The following ARHGAP26 variants were observed in gnomAD, a reference collection of about 807,000 sequenced individuals.
ARHGAP26 encodes Rho GTPase activating protein 26.
ARHGAP26 carries 38 observed loss-of-function variants against 104.8 expected under a neutral mutation model. That is an observed-to-expected ratio of 0.36 (90% CI 0.28 to 0.48). ARHGAP26 has a LOEUF of 0.48. ARHGAP26 is among the 20% of genes least tolerant of loss of function. The pLI is 0.99. For missense variants in ARHGAP26, 704 were observed against 947.9 expected, an observed-to-expected ratio of 0.74 and a Z score of 3.38; for synonymous variants, 341 against 340.0, an observed-to-expected ratio of 1.00 and a Z score of -0.03.
chr5:142,912,837 G>A (rs1762006859), intron 9 of ARHGAP26, among the ~76,000 whole-genome samples: 1 of 152,146 alleles, frequency 6.6e-6, no homozygotes, highest in Admixed American at 6.6e-5. Context: ...TTTTGGAGAA[G>A]TGATGACCAA....
At chr5:142,876,223 A>C (rs1598037084) in intron 3 of ARHGAP26, among the ~76,000 whole-genome samples, 1 of 152,194 alleles carries the variant, frequency 6.6e-6, no homozygotes, top group Admixed American at 6.5e-5. Context: ...CAGTGCTCTA[A>C]AGTCCTAGGA....
chr5:142,866,810 C>A (rs543349979), intron 1 of ARHGAP26: 2 of 152,202 alleles, frequency 1.3e-5, no homozygotes, highest in African/African-American at 2.4e-5. Flanking sequence ...TGTAACGTAC[C>A]GTGGCTGATG....
intron 11 of ARHGAP26, among the ~76,000 whole-genome samples, chr5:142,939,559 G>A (rs1007016885): frequency 6.6e-6 from 1 of 152,210 alleles, no homozygotes; most frequent in African/African-American, 2.4e-5. Context: ...CATTGCATAT[G>A]TTCTGCATCT....
At chr5:142,849,959 C>A (rs1387956842) in intron 1 of ARHGAP26, among the ~76,000 whole-genome samples, 1 of 152,212 alleles carries the variant, frequency 6.6e-6, no homozygotes, top group Admixed American at 6.5e-5. Context: ...ACTCTTCTCA[C>A]CACGCCAACC....
intron 5 of ARHGAP26, among the ~76,000 whole-genome samples, chr5:142,886,647 C>T (rs564398971): frequency 2.6e-5 from 4 of 152,000 alleles, no homozygotes; most frequent in South Asian, 2.1e-4. Context: ...GAAACAAAAG[C>T]GGAGGAAGTG....
At chr5:143,085,108 C>A (rs888414503) in intron 17 of ARHGAP26, among the ~76,000 whole-genome samples, 1 of 151,934 alleles carries the variant, frequency 6.6e-6, no homozygotes, top group Non-Finnish European at 1.5e-5. Context: ...CTCCCTCACC[C>A]CATGCGTTGT....
intron 20 of ARHGAP26, among the ~76,000 whole-genome samples, chr5:143,178,290 G>A (rs973916729): frequency 6.6e-6 from 1 of 151,728 alleles, no homozygotes; most frequent in Non-Finnish European, 1.5e-5. Context: ...GTGAGCCACC[G>A]TGCCCAGCCT....
intron 1 of ARHGAP26, among the ~76,000 whole-genome samples, chr5:142,844,295 C>T (rs1012767770): frequency 1.3e-5 from 2 of 151,960 alleles, no homozygotes; most frequent in African/African-American, 4.8e-5. Flanking sequence ...AGGTGATCCG[C>T]CTGCCTCGGC....
chr5:143,220,749 C>T (rs1811028288), intron 22 of ARHGAP26, among the ~76,000 whole-genome samples: 1 of 152,196 alleles, frequency 6.6e-6, no homozygotes, highest in Non-Finnish European at 1.5e-5. Context: ...TGGAGGCCAA[C>T]TAATAGATGT....
intron 6 of ARHGAP26, among the ~76,000 whole-genome samples, chr5:142,895,741 T>C (rs1412029302): frequency 6.6e-6 from 1 of 152,040 alleles, no homozygotes; most frequent in African/African-American, 2.4e-5. Flanking sequence ...TCCTAGCACT[T>C]TGAGAGGCTG....
chr5:142,864,028 C>G (rs1753823003), intron 1 of ARHGAP26, among the ~76,000 whole-genome samples: 1 of 152,086 alleles, frequency 6.6e-6, no homozygotes, highest in African/African-American at 2.4e-5. Flanking sequence ...CTCCCTCTAT[C>G]TCCACCCACC....
chr5:143,191,923 G>C (rs1184803165), intron 20 of ARHGAP26, among the ~76,000 whole-genome samples: 2 of 152,064 alleles, frequency 1.3e-5, no homozygotes, highest in African/African-American at 4.8e-5. Context: ...AATGAGAGCT[G>C]TACCGTTTTA....
At chr5:142,824,406 G>C (rs1054540594) in intron 1 of ARHGAP26, among the ~76,000 whole-genome samples, 1 of 152,140 alleles carries the variant, frequency 6.6e-6, no homozygotes, top group Non-Finnish European at 1.5e-5. Context: ...AGCTGGAAGT[G>C]TGTGGTCCCC....
intron 11 of ARHGAP26, among the ~76,000 whole-genome samples, chr5:142,936,830 A>C (rs1368316574): frequency 6.6e-6 from 1 of 152,024 alleles, no homozygotes; most frequent in Non-Finnish European, 1.5e-5. Context: ...TAGGAAAAAA[A>C]AAAAAAGCCT....
At chr5:142,837,873 T>C (rs572094579) in intron 1 of ARHGAP26, among the ~76,000 whole-genome samples, 5 of 152,332 alleles carry the variant, frequency 3.3e-5, no homozygotes, top group South Asian at 2.1e-4. Context: ...AAAGAATAGT[T>C]ATTTATGTAC....
intron 17 of ARHGAP26, among the ~76,000 whole-genome samples, chr5:143,088,167 T>A (rs1315095727): frequency 6.6e-6 from 1 of 152,264 alleles, no homozygotes; most frequent in Non-Finnish European, 1.5e-5. Flanking sequence ...TGAGATTATA[T>A]ATCTGTCCTT....
rs557292837 is a variant in ARHGAP26 at position 143,120,418 on chromosome 5, G to C, written c.1539-570G>C. 2.0e-5 allele frequency among the ~76,000 whole-genome samples: 3 copies of C among 152,152 alleles called. No individual in the cohort carries two copies. In the South Asian group the frequency reaches 6.2e-4, roughly 31 times the overall value. On this transcript the variant is annotated intron_variant, in intron 17 of 22. Coordinates refer to ENST00000645722, the MANE Select transcript of ARHGAP26 (RefSeq NM_001135608.3). ...GCATTTTTATTTCTGTTTATGCCCT[G>C]TTTCACTTAATGTGAGCCATATGTT...
At position 143,174,278 on chromosome 5, in the gene ARHGAP26, G is replaced by A. The variant is rs542351135; in HGVS notation, c.1988+26897G>A. ...TGCTACATAGCCACTAAGAAAGAAC[G>A]AGGAGGCAACTTTTCGTGTAATGAT... On this transcript the variant is annotated intron_variant, in intron 20 of 22. Coordinates refer to ENST00000645722, the MANE Select transcript of ARHGAP26 (RefSeq NM_001135608.3). 1.4e-4 allele frequency among the ~76,000 whole-genome samples: 21 copies of A among 152,286 alleles called. No homozygotes were observed. The South Asian group carries it at 4.1e-3, about 30-fold the overall frequency.
chr5:142,793,252 C>CTTT (rs56941301), intron 1 of ARHGAP26, among the ~76,000 whole-genome samples: 55 of 107,122 alleles, frequency 5.1e-4, no homozygotes, highest in African/African-American at 1.5e-3. Context: ...TATCCCTTTG[C>CTTT]TTTTTTTTTT....
Sources: gnomAD v4.1 joint callset for allele counts (sites outside exome capture counted in the v4.1 genomes callset) on GRCh38, gnomAD v4.1.1 for gene constraint, MANE v1.5 for transcripts, NCBI Gene and HGNC (gene_info 2026-07-23, HGNC 2026-07-21) for gene names.